MIDEAS: variants seen among roughly 807,000 people sequenced by gnomAD.
The protein encoded by MIDEAS is mitotic deacetylase associated SANT domain protein, also known as mitotic deacetylase-associated SANT domain protein.
Under a neutral mutation model 102.7 loss-of-function variants are expected in MIDEAS, and 26 were observed. That is an observed-to-expected ratio of 0.25 (90% confidence interval 0.19 to 0.35). The LOEUF (loss-of-function observed/expected upper bound fraction) is 0.35. MIDEAS is among the 10% of genes least tolerant of loss of function. The pLI is 1.00. For missense variants in MIDEAS, 1,231 were observed against 1,435.6 expected, an observed-to-expected ratio of 0.86 and a Z score of 2.30; for synonymous variants, 585 against 591.0, an observed-to-expected ratio of 0.99 and a Z score of 0.15.
intron 3 of MIDEAS, among the ~76,000 whole-genome samples, chr14:73,735,859 A>T (rs944317185): frequency 6.6e-6 from 1 of 152,248 alleles, no homozygotes; most frequent in African/African-American, 2.4e-5. Context: ...AACTTTACTC[A>T]TGTAAAGTAA....
At chr14:73,732,548 G>T (rs1313066431) in intron 3 of MIDEAS, among the ~76,000 whole-genome samples, 1 of 152,172 alleles carries the variant, frequency 6.6e-6, no homozygotes, top group Non-Finnish European at 1.5e-5. Flanking sequence ...CACTTTGGGA[G>T]GCCAAGGTGG....
Position 73,725,019 on chromosome 14 carries a change from T to G in MIDEAS, c.2574+253A>C, listed in dbSNP as rs2053041825. ...TGCCTATTTTAAGTCTGATGCCCAC[T>G]TAGGCCTCCTTCTGGATTGAGACCC... On this transcript the variant is annotated intron_variant, in intron 9 of 12. Transcript: ENST00000423556. The surrounding 1 kb of genome is among the most constrained non-coding windows in gnomAD (Gnocchi z 4.1). The G allele has an allele frequency of 2.7e-6, 1 of 375,030 alleles. No individual in the cohort carries two copies. Among genetic ancestry groups the G allele is most frequent in the Non-Finnish European group, 5.1e-6 (1 of 195,778 alleles). 23.2% of individuals were successfully genotyped at this position (375,030 alleles called of 1,614,324 possible). A position where few individuals can be genotyped will look rare whatever the true frequency, so the allele number is the denominator to read the frequency against.
At chr14:73,738,289 G>C (rs1030520160) in intron 2 of MIDEAS, among the ~76,000 whole-genome samples, 3 of 151,996 alleles carry the variant, frequency 2.0e-5, no homozygotes, top group Admixed American at 6.6e-5. Context: ...CCAGCTACTC[G>C]GGGAGGCTGA....
At chr14:73,734,670 A>T (rs986640266) in intron 3 of MIDEAS, among the ~76,000 whole-genome samples, 2 of 151,908 alleles carry the variant, frequency 1.3e-5, no homozygotes, top group Non-Finnish European at 2.9e-5. Flanking sequence ...GGCTCAAGCG[A>T]TCCTCCTGCC....
rs199689942 is a variant in MIDEAS at position 73,737,051 on chromosome 14, T to A, written c.1696A>T (p.Ile566Phe). ...QNPAEHKPSV[I>F]VTRRRSTRIP... ...CGGGTGGACCGCCTGCGGGTGACGA[T>A]GACTGATGGCTTGTGCTCAGCAGGG... Residue 566 changes from isoleucine (I) to phenylalanine (F), a missense_variant, in exon 3 of 13, where the codon ATC (isoleucine) becomes TTC (phenylalanine). Coordinates refer to ENST00000423556, the MANE Select transcript of MIDEAS (RefSeq NM_001367710.1). 1 of 1,613,978 alleles carries A rather than the reference T, an allele frequency of 6.2e-7. No homozygotes were observed. The highest frequency in any genetic ancestry group is 1.1e-5 in the South Asian group (1 of 91,078).
intron 1 of MIDEAS, among the ~76,000 whole-genome samples, chr14:73,771,114 AC>A (rs1432005638): frequency 1.3e-5 from 2 of 152,060 alleles, no homozygotes; most frequent in Non-Finnish European, 2.9e-5. Flanking sequence ...TGGCCTGAGT[AC>A]CCCTAATGAG....
chr14:73,741,363 TG>T (rs1441868317), intron 1 of MIDEAS, among the ~76,000 whole-genome samples: 2 of 152,156 alleles, frequency 1.3e-5, no homozygotes, highest in Non-Finnish European at 2.9e-5. Flanking sequence ...GTTTGGGTTT[TG>T]TTTTTTTCCT....
chr14:73,738,538 C>T (rs2053233403), intron 2 of MIDEAS, 22 bp downstream of exon 2: 8 of 1,511,798 alleles, frequency 5.3e-6, no homozygotes, highest in Non-Finnish European at 5.3e-6. Context: ...CCAGGTGTGG[C>T]TCCACTGCAT....
intron 11 of MIDEAS, 125 bp downstream of exon 11, chr14:73,721,172 T>C (rs2052983339): frequency 1.1e-6 from 1 of 899,314 alleles, no homozygotes; most frequent in Non-Finnish European, 1.8e-6. Flanking sequence ...CACAAAGTAC[T>C]TCACACATTT....
At chr14:73,731,205 C>T (rs1263703394) in intron 3 of MIDEAS, among the ~76,000 whole-genome samples, 7 of 152,180 alleles carry the variant, frequency 4.6e-5, no homozygotes, top group Admixed American at 4.6e-4. Context: ...GAATGGAGCC[C>T]TACAGGGTGA....
At chr14:73,727,804 C>T in intron 4 of MIDEAS, 3 of 386,022 alleles carry the variant, frequency 7.8e-6, no homozygotes, top group Non-Finnish European at 9.3e-6. Flanking sequence ...ATGCACAGAG[C>T]CTGGCACTCG....
At chr14:73,757,279 C>CAA (rs370387448) in intron 1 of MIDEAS, among the ~76,000 whole-genome samples, 10 of 67,714 alleles carry the variant, frequency 1.5e-4, no homozygotes, top group East Asian at 9.2e-4. Flanking sequence ...CTCTAACAAC[C>CAA]AAAAAAAAAA....
intron 3 of MIDEAS, among the ~76,000 whole-genome samples, chr14:73,733,751 G>C (rs781639021): frequency 6.6e-5 from 10 of 152,190 alleles, no homozygotes; most frequent in Non-Finnish European, 1.0e-4. Context: ...CTGGAGTGCA[G>C]TGGTACGATC....
rs748004259 is a variant in MIDEAS at position 73,738,978 on chromosome 14, C to CG, written c.1030dup (p.Arg344ProfsTer8). On this transcript the variant is annotated frameshift_variant, in exon 2 of 13. Coordinates refer to ENST00000423556, the MANE Select transcript of MIDEAS (RefSeq NM_001367710.1). LOFTEE classifies it high-confidence loss of function. ...CTCCTTAGAGAGGCGGCGGGAGCGG[C>CG]GGGGGAAGGGGATCTGGACCTGAGG... The CG allele has an allele frequency of 6.5e-7, 1 of 1,531,302 alleles. No homozygotes were observed. The highest frequency in any genetic ancestry group is 8.8e-7 in the Non-Finnish European group (1 of 1,140,602). 94.9% of individuals were successfully genotyped at this position (1,531,302 alleles called of 1,614,324 possible).
chr14:73,729,820 G>A lies in MIDEAS; in HGVS notation c.1915C>T (p.Arg639Cys), dbSNP rs369917361. Residue 639 changes from arginine to cysteine, a missense_variant, in exon 4 of 13, where the codon CGC becomes TGC. Coordinates refer to ENST00000423556, the MANE Select transcript of MIDEAS (RefSeq NM_001367710.1). ...PYQSHLRSPV[R>C]LADHPSERSF... is the part of the protein sequence containing the mutation. ...CGCTCAGAGGGGTGGTCAGCTAGGC[G>A]CACGGGAGAGCGCAGGTGGCTCTGG... 4 of 1,613,578 alleles carry A rather than the reference G, an allele frequency of 2.5e-6. No homozygotes were observed. The highest frequency in any genetic ancestry group is 3.4e-6 in the Non-Finnish European group (4 of 1,179,970).
chr14:73,732,293 C>G (rs2053148789), intron 3 of MIDEAS, among the ~76,000 whole-genome samples: 1 of 152,128 alleles, frequency 6.6e-6, no homozygotes, highest in Non-Finnish European at 1.5e-5. Flanking sequence ...AAACACATTT[C>G]TGAAGATATC....
chr14:73,766,850 C>CCTT (rs1310211553), intron 1 of MIDEAS, among the ~76,000 whole-genome samples: 3 of 119,678 alleles, frequency 2.5e-5, no homozygotes, highest in African/African-American at 3.0e-5. Flanking sequence ...ACTGCCCGGC[C>CCTT]ATTTTTTTTT....
chr14:73,737,309 G>A lies in MIDEAS; in HGVS notation c.1450-12C>T, dbSNP rs1221351719. 3 of 1,599,494 alleles carry A rather than the reference G, an allele frequency of 1.9e-6. No individual in the cohort carries two copies. The highest frequency in any genetic ancestry group is 2.2e-5 in the South Asian group (2 of 90,590). The stretch of plus-strand genomic sequence containing the variant: ...GAACCACTGCCATCCTGGACAAGAT[G>A]GGAACAGAAGTGCAATTTAAAAGGT... On this transcript the variant is annotated splice_polypyrimidine_tract_variant and intron_variant, in intron 2 of 12. Transcript: ENST00000423556.
chr14:73,789,061 A>G (rs2140188642), upstream of MIDEAS: 1 of 152,232 alleles, frequency 6.6e-6, no homozygotes, highest in African/African-American at 2.4e-5. Context: ...CACCAAGTGG[A>G]GGATGTGGTA....
Sources: allele counts gnomAD v4.1 joint callset (sites outside exome capture counted in the v4.1 genomes callset), GRCh38; gene constraint gnomAD v4.1.1; non-coding constraint Gnocchi (gnomAD v3.1); transcripts MANE v1.5; gene names NCBI Gene and HGNC (gene_info 2026-07-23, HGNC 2026-07-21).